The following AKAP6 variants were observed in gnomAD, a reference collection of about 807,000 sequenced individuals.
AKAP6 encodes A-kinase anchor protein 6.
A neutral mutation model predicts 188.5 loss-of-function variants in AKAP6; 58 were observed. The ratio of observed to expected loss-of-function variants is 0.31; its 90% confidence interval spans 0.25 to 0.38. The LOEUF (loss-of-function observed/expected upper bound fraction) is 0.38. Ranked by LOEUF, AKAP6 falls within the 10% of genes least tolerant of loss-of-function variation. AKAP6 has a pLI of 1.00. For synonymous variants in AKAP6, 989 were observed against 998.6 expected (o/e 0.99, Z 0.18); for missense variants, 2,710 against 2,740.0 (o/e 0.99, Z 0.24).
At position 32,755,273 on chromosome 14, in the gene AKAP6, A is replaced by G. The variant is rs1481021609; in HGVS notation, c.3373-18405A>G. On this transcript the variant is annotated intron_variant, in intron 11 of 13. Transcript: ENST00000280979. ...TCTGTGGTTTTTTTTCTTCTTCTTGAGTCTGCTGTTGAAGCTCTTTATGGA... is the reference window on the plus strand; with the variant it reads ...TCTGTGGTTTTTTTTCTTCTTCTTGGGTCTGCTGTTGAAGCTCTTTATGGA... Among the ~76,000 whole-genome samples, 3 of 151,248 alleles carry G rather than the reference A, an allele frequency of 2.0e-5. No homozygotes were observed. In the East Asian group the frequency reaches 5.8e-4, roughly 29 times the overall value.
At chr14:32,468,307 A>G (rs573350515) in intron 2 of AKAP6, among the ~76,000 whole-genome samples, 30 of 151,880 alleles carry the variant, frequency 2.0e-4, no homozygotes, top group Non-Finnish European at 3.7e-4. Flanking sequence ...AATATTTCCT[A>G]CTCTGTGCCT....
At chr14:32,564,215 C>T (rs931325839) in intron 4 of AKAP6, among the ~76,000 whole-genome samples, 2 of 152,098 alleles carry the variant, frequency 1.3e-5, no homozygotes, top group Non-Finnish European at 2.9e-5. Context: ...ACAGATGTCA[C>T]CATCCATTTT....
At chr14:32,334,142 T>C (rs1051257860) in intron 1 of AKAP6, among the ~76,000 whole-genome samples, 7 of 152,218 alleles carry the variant, frequency 4.6e-5, no homozygotes, top group African/African-American at 1.7e-4. Flanking sequence ...ACTTTGGCCA[T>C]GGCAACAGAG....
intron 8 of AKAP6, among the ~76,000 whole-genome samples, chr14:32,685,812 G>A (rs937438918): frequency 6.6e-6 from 1 of 151,036 alleles, no homozygotes; most frequent in Non-Finnish European, 1.5e-5. Context: ...AGGATGTAAA[G>A]CAAAGGGAAC....
chr14:32,343,345 G>A (rs1020772377), intron 1 of AKAP6, among the ~76,000 whole-genome samples: 9 of 152,086 alleles, frequency 5.9e-5, no homozygotes, highest in Non-Finnish European at 1.0e-4. Flanking sequence ...CAGAATGTAA[G>A]CAGAGGGCTA....
At chr14:32,493,611 A>T (rs1880155830) in intron 2 of AKAP6, among the ~76,000 whole-genome samples, 1 of 152,176 alleles carries the variant, frequency 6.6e-6, no homozygotes, top group Non-Finnish European at 1.5e-5. Flanking sequence ...TGAAGCCTAC[A>T]TGACATCCAT....
intron 4 of AKAP6, among the ~76,000 whole-genome samples, chr14:32,570,854 A>T (rs1166164028): frequency 6.6e-6 from 1 of 152,120 alleles, no homozygotes; most frequent in African/African-American, 2.4e-5. Context: ...ATCCTCATTT[A>T]GTTCTTCTCT....
At position 32,696,117 on chromosome 14, in the gene AKAP6, G is replaced by T. The variant is rs750360899; in HGVS notation, c.3000+7G>T. ...GCAGCAGCATCTTTACAAGGTTAGAGCTACCCTTCCTGCCTTTACCTTGCT... is the reference window on the plus strand; with the variant it reads ...GCAGCAGCATCTTTACAAGGTTAGATCTACCCTTCCTGCCTTTACCTTGCT... On this transcript the variant is annotated splice_region_variant and intron_variant, in intron 9 of 13. Transcript: ENST00000280979. The T allele has an allele frequency of 6.9e-6, 11 of 1,596,608 alleles. No homozygotes were observed. The highest frequency in any genetic ancestry group is 9.4e-6 in the Non-Finnish European group (11 of 1,174,744).
intron 7 of AKAP6, among the ~76,000 whole-genome samples, chr14:32,601,691 T>A (rs954665489): frequency 6.6e-6 from 1 of 152,258 alleles, no homozygotes; most frequent in Non-Finnish European, 1.5e-5. Flanking sequence ...ATTCCTGGCT[T>A]GGACAAAGTA....
intron 8 of AKAP6, among the ~76,000 whole-genome samples, chr14:32,692,187 C>T (rs943109838): frequency 1.3e-5 from 2 of 152,082 alleles, no homozygotes; most frequent in African/African-American, 4.8e-5. Flanking sequence ...TTGCTACTTG[C>T]AGGTCTCCAG....
At chr14:32,563,409 A>G (rs1884039125) in intron 4 of AKAP6, among the ~76,000 whole-genome samples, 1 of 152,222 alleles carries the variant, frequency 6.6e-6, no homozygotes, top group Non-Finnish European at 1.5e-5. Flanking sequence ...TAAAGAGCTC[A>G]GAATAGTACC....
At chr14:32,665,603 C>A (rs961651038) in intron 7 of AKAP6, among the ~76,000 whole-genome samples, 1 of 152,092 alleles carries the variant, frequency 6.6e-6, no homozygotes, top group Non-Finnish European at 1.5e-5. Flanking sequence ...TGTCAGCATT[C>A]ATTCCCCCAC....
chr14:32,595,718 AT>A (rs1418729504), intron 5 of AKAP6, among the ~76,000 whole-genome samples: 1 of 151,952 alleles, frequency 6.6e-6, no homozygotes, highest in South Asian at 2.1e-4. Flanking sequence ...CCTATATAAA[AT>A]TTTTTAAAAA....
chr14:32,358,282 G>A (rs1366408397), intron 1 of AKAP6, among the ~76,000 whole-genome samples: 1 of 152,306 alleles, frequency 6.6e-6, no homozygotes, highest in African/African-American at 2.4e-5. Flanking sequence ...AAAAGTTGTG[G>A]CTAGAATTTG....
At chr14:32,550,986 G>A (rs1883434654) in intron 4 of AKAP6, among the ~76,000 whole-genome samples, 1 of 152,066 alleles carries the variant, frequency 6.6e-6, no homozygotes, top group African/African-American at 2.4e-5. Context: ...ATCAGATTAT[G>A]TCATCCCTCT....
intron 11 of AKAP6, among the ~76,000 whole-genome samples, chr14:32,758,648 G>A (rs973786555): frequency 3.3e-5 from 5 of 152,018 alleles, no homozygotes; most frequent in Admixed American, 2.6e-4. Flanking sequence ...CAGGAGAATC[G>A]CTTGAACCCA....
At chr14:32,515,194 A>G (rs1203191225) in intron 2 of AKAP6, among the ~76,000 whole-genome samples, 1 of 152,164 alleles carries the variant, frequency 6.6e-6, no homozygotes, top group Non-Finnish European at 1.5e-5. Flanking sequence ...GAGCTTGTGC[A>G]GGGGAACTTC....
At chr14:32,508,657 A>G (rs1880993102) in intron 2 of AKAP6, among the ~76,000 whole-genome samples, 1 of 152,232 alleles carries the variant, frequency 6.6e-6, no homozygotes, top group Non-Finnish European at 1.5e-5. Context: ...AGGCAGCCAT[A>G]CGGAATTATG....
intron 11 of AKAP6, among the ~76,000 whole-genome samples, chr14:32,766,802 T>C (rs2032733351): frequency 6.6e-6 from 1 of 152,192 alleles, no homozygotes; most frequent in Non-Finnish European, 1.5e-5. Context: ...CTTATACTTT[T>C]GTGTCATAAA....
Sources: gnomAD v4.1 joint callset for allele counts (sites outside exome capture counted in the v4.1 genomes callset) on GRCh38, gnomAD v4.1.1 for gene constraint, MANE v1.5 for transcripts, NCBI Gene and HGNC (gene_info 2026-07-23, HGNC 2026-07-21) for gene names.